NSMCE2: variants seen among roughly 807,000 people sequenced by gnomAD.
NSMCE2 encodes the protein NSE2 SUMO ligase component of SMC5/6 complex.
Under a neutral mutation model 23.8 loss-of-function variants are expected in NSMCE2, and 24 were observed. The observed-to-expected ratio is 1.01, with a 90% CI of 0.73 to 1.42. The LOEUF is 1.42. Among genes scored for constraint, NSMCE2 ranks in the 40% most tolerant of loss-of-function variants. NSMCE2 has a pLI of 0.00. For missense variants in NSMCE2, 284 were observed against 296.5 expected, an observed-to-expected ratio of 0.96 and a Z score of 0.31; for synonymous variants, 92 against 94.1, an observed-to-expected ratio of 0.98 and a Z score of 0.13.
chr8:125,263,320 C>G (rs2131056871), intron 5 of NSMCE2, among the ~76,000 whole-genome samples: 1 of 152,242 alleles, frequency 6.6e-6, no homozygotes, highest in African/African-American at 2.4e-5. Context: ...TAAGGGTCCT[C>G]TCTTAGACGT....
At chr8:125,105,675 T>C (rs1271491793) in intron 3 of NSMCE2, among the ~76,000 whole-genome samples, 2 of 152,298 alleles carry the variant, frequency 1.3e-5, no homozygotes, top group East Asian at 3.9e-4. Context: ...CCCGCTGTTG[T>C]AGTGCAAAAC....
intron 5 of NSMCE2, among the ~76,000 whole-genome samples, chr8:125,339,469 G>C (rs1300912273): frequency 1.3e-5 from 2 of 152,080 alleles, no homozygotes; most frequent in South Asian, 4.1e-4. Flanking sequence ...GCAAGCTTCT[G>C]TATAGCTTAC....
intron 5 of NSMCE2, among the ~76,000 whole-genome samples, chr8:125,259,126 T>TCC (rs1826569578): frequency 6.6e-6 from 1 of 152,096 alleles, no homozygotes; most frequent in South Asian, 2.1e-4. Flanking sequence ...GGTCTTGAAC[T>TCC]CCCGACTCAG....
intron 3 of NSMCE2, among the ~76,000 whole-genome samples, chr8:125,117,770 GACAAAGATCTC>G: frequency 6.6e-6 from 1 of 152,180 alleles, no homozygotes; most frequent in East Asian, 1.9e-4. Flanking sequence ...GTTTCCTGAG[GACAAAGATCTC>G]AGTGTGTTCA....
intron 5 of NSMCE2, among the ~76,000 whole-genome samples, chr8:125,213,937 G>A (rs1034818994): frequency 6.6e-6 from 1 of 152,066 alleles, no homozygotes; most frequent in Non-Finnish European, 1.5e-5. Flanking sequence ...TTTCCTGCTG[G>A]CATTCCAGTT....
At chr8:125,255,567 G>A (rs1007704245) in intron 5 of NSMCE2, among the ~76,000 whole-genome samples, 1 of 152,058 alleles carries the variant, frequency 6.6e-6, no homozygotes, top group Non-Finnish European at 1.5e-5. Context: ...CAGAGAGGAA[G>A]GAAACAACAT....
At chr8:125,355,532 T>C (rs1179816166) in intron 5 of NSMCE2, among the ~76,000 whole-genome samples, 1 of 151,960 alleles carries the variant, frequency 6.6e-6, no homozygotes, top group Non-Finnish European at 1.5e-5. Context: ...AAACCCCATC[T>C]CTACTAAAAA....
intron 3 of NSMCE2, among the ~76,000 whole-genome samples, chr8:125,110,041 G>A (rs1487951598): frequency 6.6e-6 from 1 of 152,014 alleles, no homozygotes; most frequent in Non-Finnish European, 1.5e-5. Flanking sequence ...TCATCTTTAA[G>A]TAGTTTTAGT....
chr8:125,170,668 A>C (rs1419949598), intron 4 of NSMCE2, among the ~76,000 whole-genome samples: 2 of 152,076 alleles, frequency 1.3e-5, no homozygotes, highest in Non-Finnish European at 1.5e-5. Flanking sequence ...TTGGCCTCCC[A>C]AAGTGCTGGG....
At chr8:125,317,398 T>C (rs1205580492) in intron 5 of NSMCE2, among the ~76,000 whole-genome samples, 2 of 152,062 alleles carry the variant, frequency 1.3e-5, no homozygotes, top group South Asian at 2.1e-4. Flanking sequence ...GGTTTTGCCA[T>C]GTTGCCTAGG....
chr8:125,350,435 A>G (rs575788772), intron 5 of NSMCE2, among the ~76,000 whole-genome samples: 2 of 152,344 alleles, frequency 1.3e-5, no homozygotes, highest in South Asian at 4.1e-4. Flanking sequence ...AGAAAAGGCC[A>G]GTGTGCCTTG....
At chr8:125,310,429 G>C (rs966475806) in intron 5 of NSMCE2, among the ~76,000 whole-genome samples, 5 of 152,214 alleles carry the variant, frequency 3.3e-5, no homozygotes, top group East Asian at 1.9e-4. Flanking sequence ...CCTACCATAT[G>C]ATGAGTGCCC....
chr8:125,102,629 C>A, intron 3 of NSMCE2, 142 bp downstream of exon 3: 1 of 651,348 alleles, frequency 1.5e-6, no homozygotes, highest in Non-Finnish European at 2.7e-6. Flanking sequence ...TTCTACACAC[C>A]GCAGCAGGGT....
chr8:125,300,423 A>C (rs1828514520), intron 5 of NSMCE2, among the ~76,000 whole-genome samples: 1 of 152,090 alleles, frequency 6.6e-6, no homozygotes, highest in African/African-American at 2.4e-5. Flanking sequence ...TCAGCCTCCC[A>C]AAGTGCAGGG....
chr8:125,224,735 G>A (rs1315324067), intron 5 of NSMCE2, among the ~76,000 whole-genome samples: 1 of 152,160 alleles, frequency 6.6e-6, no homozygotes, highest in Non-Finnish European at 1.5e-5. Context: ...TATTTAAGGT[G>A]CAATAAGGTA....
At chr8:125,255,148 G>A (rs1348199133) in intron 5 of NSMCE2, among the ~76,000 whole-genome samples, 3 of 152,040 alleles carry the variant, frequency 2.0e-5, no homozygotes, top group Admixed American at 6.5e-5. Flanking sequence ...CTTGTCAGCT[G>A]TATGAATGAG....
At chr8:125,129,777 C>G (rs1819670856) in intron 3 of NSMCE2, among the ~76,000 whole-genome samples, 1 of 152,056 alleles carries the variant, frequency 6.6e-6, no homozygotes, top group African/African-American at 2.4e-5. Context: ...TGCAATCTCT[C>G]TCTATCCTTT....
chr8:125,318,317 C>T (rs1829288715), intron 5 of NSMCE2, among the ~76,000 whole-genome samples: 1 of 152,110 alleles, frequency 6.6e-6, no homozygotes, highest in African/African-American at 2.4e-5. Flanking sequence ...GTGGGAAGAT[C>T]ACTTGAGCCC....
At chr8:125,245,140 C>T (rs964075415) in intron 5 of NSMCE2, among the ~76,000 whole-genome samples, 8 of 151,852 alleles carry the variant, frequency 5.3e-5, no homozygotes, top group South Asian at 2.1e-4. Flanking sequence ...AAAATTAGCC[C>T]GGCGTGGTGG....
Sources: gnomAD v4.1 joint callset for allele counts (sites outside exome capture counted in the v4.1 genomes callset) on GRCh38, gnomAD v4.1.1 for gene constraint, MANE v1.5 for transcripts, NCBI Gene and HGNC (gene_info 2026-07-23, HGNC 2026-07-21) for gene names.